IQCM: variants seen among roughly 807,000 people sequenced by gnomAD.
IQCM encodes IQ motif containing M, also known as IQ domain-containing protein M.
Under a neutral mutation model 57.6 loss-of-function variants are expected in IQCM, and 45 were observed. That is an observed-to-expected ratio of 0.78 (90% CI 0.62 to 1.00). The LOEUF (loss-of-function observed/expected upper bound fraction) is 1.00. Ranked by LOEUF, IQCM falls within the 50% of genes least tolerant of loss-of-function variation. IQCM has a pLI of 0.00. For missense variants in IQCM, 468 were observed against 511.6 expected, an observed-to-expected ratio of 0.91 and a Z score of 0.82; for synonymous variants, 148 against 158.9, an observed-to-expected ratio of 0.93 and a Z score of 0.51.
At chr4:149,457,547 A>G (rs1209254499) in intron 12 of IQCM, among the ~76,000 whole-genome samples, 2 of 152,066 alleles carry the variant, frequency 1.3e-5, no homozygotes, top group East Asian at 1.9e-4. Flanking sequence ...CATGAAAAAC[A>G]TCAGTTTTAG....
intron 2 of IQCM, among the ~76,000 whole-genome samples, chr4:149,766,311 C>A (rs1229595680): frequency 6.6e-6 from 1 of 151,926 alleles, no homozygotes; most frequent in Non-Finnish European, 1.5e-5. Context: ...GAAAATGTTG[C>A]AAAAAAATAT....
intron 12 of IQCM, among the ~76,000 whole-genome samples, chr4:149,437,068 T>A (rs1254613742): frequency 1.3e-5 from 2 of 152,134 alleles, no homozygotes; most frequent in Non-Finnish European, 1.5e-5. Context: ...GCCTCCTAGC[T>A]GGTAAGTGGT....
intron 2 of IQCM, among the ~76,000 whole-genome samples, chr4:149,807,149 G>GA (rs201276769): frequency 0.022 from 3,345 of 151,502 alleles, 65 homozygotes; most frequent in South Asian, 0.036. Flanking sequence ...TACAGAAATA[G>GA]AAAAAAAATC....
intron 2 of IQCM, among the ~76,000 whole-genome samples, chr4:149,814,926 A>G (rs1477831869): frequency 1.3e-5 from 2 of 151,990 alleles, no homozygotes; most frequent in Non-Finnish European, 2.9e-5. Flanking sequence ...TGTGTTCAAG[A>G]GCACTCTAAA....
intron 12 of IQCM, 29 bp downstream of exon 12, chr4:149,548,426 G>C (rs13150423): frequency 4.9e-6 from 6 of 1,230,122 alleles, no homozygotes; most frequent in Non-Finnish European, 5.1e-6. Flanking sequence ...GGAAAAGAAG[G>C]GGGGAAAAAG....
At chr4:149,588,721 C>A (rs1306794966) in intron 8 of IQCM, among the ~76,000 whole-genome samples, 1 of 151,806 alleles carries the variant, frequency 6.6e-6, no homozygotes, top group Non-Finnish European at 1.5e-5. Flanking sequence ...CCCACGGACA[C>A]CTTAATCTTG....
At chr4:149,588,080 T>C in intron 8 of IQCM, 83 bp from the exon 9 acceptor site, 1 of 494,068 alleles carries the variant, frequency 2.0e-6, no homozygotes, top group Non-Finnish European at 3.2e-6. Context: ...GACGTTCTGT[T>C]ATATTATCAA....
At chr4:149,642,436 A>G (rs1287464805) in intron 7 of IQCM, among the ~76,000 whole-genome samples, 1 of 152,196 alleles carries the variant, frequency 6.6e-6, no homozygotes, top group Non-Finnish European at 1.5e-5. Flanking sequence ...GTTGCTATAA[A>G]TTAATTCCAA....
intron 7 of IQCM, among the ~76,000 whole-genome samples, chr4:149,635,920 A>T (rs1757677844): frequency 2.6e-5 from 4 of 152,216 alleles, no homozygotes; most frequent in Non-Finnish European, 4.4e-5. Context: ...GATGTGAGAG[A>T]TTGAACTCAG....
chr4:149,645,003 G>T (rs1758516740), intron 7 of IQCM, among the ~76,000 whole-genome samples: 1 of 152,156 alleles, frequency 6.6e-6, no homozygotes, highest in African/African-American at 2.4e-5. Flanking sequence ...TTATAGACTG[G>T]ACTCTCCTAG....
chr4:149,624,025 CA>C (rs895614279), intron 7 of IQCM, among the ~76,000 whole-genome samples: 21 of 152,064 alleles, frequency 1.4e-4, no homozygotes, highest in African/African-American at 4.6e-4. Context: ...AGACTATCAT[CA>C]AAAAAATATT....
intron 7 of IQCM, among the ~76,000 whole-genome samples, chr4:149,629,163 A>G (rs1381586673): frequency 1.3e-5 from 2 of 152,194 alleles, no homozygotes; most frequent in Non-Finnish European, 2.9e-5. Flanking sequence ...CTTGGTCTTA[A>G]AGTGTGGTCC....
intron 8 of IQCM, among the ~76,000 whole-genome samples, chr4:149,603,079 A>G (rs1214062512): frequency 6.6e-6 from 1 of 152,158 alleles, no homozygotes; most frequent in African/African-American, 2.4e-5. Context: ...AAAACAAGTT[A>G]TTTCCATAAA....
At chr4:149,473,979 G>A (rs906787937) in intron 12 of IQCM, among the ~76,000 whole-genome samples, 2 of 152,138 alleles carry the variant, frequency 1.3e-5, no homozygotes, top group African/African-American at 2.4e-5. Context: ...CTGTCGTGGT[G>A]TCGGGGAAGT....
chr4:149,815,441 A>AC (rs1470880217), intron 1 of IQCM, 93 bp from the exon 2 acceptor site: 1 of 152,024 alleles, frequency 6.6e-6, no homozygotes, highest in Non-Finnish European at 1.5e-5. Context: ...TAAGCAAAAA[A>AC]ATTTATAAAC....
intron 12 of IQCM, among the ~76,000 whole-genome samples, chr4:149,498,596 G>A (rs1483495291): frequency 4.6e-5 from 7 of 152,086 alleles, no homozygotes; most frequent in African/African-American, 1.7e-4. Context: ...ACCATATCTC[G>A]ATCAGGAAAC....
intron 12 of IQCM, among the ~76,000 whole-genome samples, chr4:149,443,218 C>T (rs1035964693): frequency 1.1e-4 from 17 of 152,002 alleles, no homozygotes; most frequent in African/African-American, 3.9e-4. Flanking sequence ...ATCTCCCTTA[C>T]TCAAAGTCAA....
intron 7 of IQCM, among the ~76,000 whole-genome samples, chr4:149,642,824 G>A (rs1758311375): frequency 6.6e-6 from 1 of 152,036 alleles, no homozygotes; most frequent in Non-Finnish European, 1.5e-5. Context: ...CATAAAATTT[G>A]TATCACTCTT....
At chr4:149,605,685 T>C (rs1754709753) in intron 8 of IQCM, among the ~76,000 whole-genome samples, 1 of 152,210 alleles carries the variant, frequency 6.6e-6, no homozygotes, top group Non-Finnish European at 1.5e-5. Context: ...TATGGGCTTT[T>C]ATTCTGGTGC....
Sources: gnomAD v4.1 joint callset for allele counts (sites outside exome capture counted in the v4.1 genomes callset) on GRCh38, gnomAD v4.1.1 for gene constraint, MANE v1.5 for transcripts, NCBI Gene and HGNC (gene_info 2026-07-23, HGNC 2026-07-21) for gene names.